B3GALT1: variants seen among roughly 807,000 people sequenced by gnomAD.
B3GALT1 encodes UDP-Gal:betaGlcNAc beta 1,3-galactosyltransferase, polypeptide 1.
A neutral mutation model predicts 23.2 loss-of-function variants in B3GALT1; 10 were observed. The observed-to-expected ratio is 0.43, with a 90% CI of 0.27 to 0.73. B3GALT1 has a LOEUF of 0.73. Ranked by LOEUF, B3GALT1 falls within the 30% of genes least tolerant of loss-of-function variation. B3GALT1 has a pLI of 0.21. For missense variants in B3GALT1, 299 were observed against 405.4 expected, an observed-to-expected ratio of 0.74 and a Z score of 2.25; for synonymous variants, 156 against 141.5, an observed-to-expected ratio of 1.10 and a Z score of -0.73.
intron 2 of B3GALT1, among the ~76,000 whole-genome samples, chr2:167,603,439 T>A (rs1407156753): frequency 6.6e-6 from 1 of 152,230 alleles, no homozygotes; most frequent in Non-Finnish European, 1.5e-5. Context: ...GGGAAAACAT[T>A]AGTATCCTGG....
At chr2:167,783,883 T>C (rs1455161373) in intron 3 of B3GALT1, among the ~76,000 whole-genome samples, 3 of 152,198 alleles carry the variant, frequency 2.0e-5, no homozygotes, top group Non-Finnish European at 2.9e-5. Context: ...TTTTCCAGGC[T>C]AGTAACCTCT....
At chr2:167,763,401 T>C (rs2105300421) in intron 3 of B3GALT1, among the ~76,000 whole-genome samples, 1 of 152,216 alleles carries the variant, frequency 6.6e-6, no homozygotes, top group South Asian at 2.1e-4. Flanking sequence ...CTTTGGAAGG[T>C]AGATAAGAGC....
intron 3 of B3GALT1, among the ~76,000 whole-genome samples, chr2:167,721,387 G>A (rs1362792650): frequency 6.6e-6 from 1 of 152,074 alleles, no homozygotes; most frequent in South Asian, 2.1e-4. Flanking sequence ...TATTGCCTTT[G>A]ATTATTCCCT....
At chr2:167,642,894 G>C (rs1055531209) in intron 2 of B3GALT1, among the ~76,000 whole-genome samples, 2 of 151,988 alleles carry the variant, frequency 1.3e-5, no homozygotes, top group Non-Finnish European at 2.9e-5. Context: ...ATTTATAAGT[G>C]AATGAATCCT....
At chr2:167,542,697 G>A (rs886905212) in intron 2 of B3GALT1, among the ~76,000 whole-genome samples, 1 of 151,986 alleles carries the variant, frequency 6.6e-6, no homozygotes, top group Non-Finnish European at 1.5e-5. Flanking sequence ...TCCACAAAGT[G>A]GAATTCTGCT....
chr2:167,813,930 C>T (rs1688940111), intron 3 of B3GALT1, among the ~76,000 whole-genome samples: 1 of 152,082 alleles, frequency 6.6e-6, no homozygotes, highest in Admixed American at 6.5e-5. Flanking sequence ...AACTGAAATT[C>T]TTTGGTTGAA....
At chr2:167,567,712 A>G (rs1001557955) in intron 2 of B3GALT1, among the ~76,000 whole-genome samples, 2 of 151,734 alleles carry the variant, frequency 1.3e-5, no homozygotes, top group South Asian at 2.1e-4. Flanking sequence ...AATTGTTACA[A>G]CTGATGAATC....
chr2:167,375,058 G>A (rs937487954), intron 1 of B3GALT1, among the ~76,000 whole-genome samples: 2 of 152,082 alleles, frequency 1.3e-5, no homozygotes, highest in African/African-American at 4.8e-5. Flanking sequence ...CATATGGCTT[G>A]CCAGCTATCC....
intron 2 of B3GALT1, among the ~76,000 whole-genome samples, chr2:167,519,117 A>G (rs892461319): frequency 6.6e-6 from 1 of 152,026 alleles, no homozygotes; most frequent in Admixed American, 6.6e-5. Flanking sequence ...TGTCTACTGG[A>G]CAGTAGCATC....
At chr2:167,839,576 T>A (rs1445302466) in intron 4 of B3GALT1, among the ~76,000 whole-genome samples, 9 of 152,272 alleles carry the variant, frequency 5.9e-5, no homozygotes, top group Non-Finnish European at 1.3e-4. Flanking sequence ...ATAGGAAGAA[T>A]CAATATCATG....
chr2:167,570,103 A>G (rs1226770110), intron 2 of B3GALT1, among the ~76,000 whole-genome samples: 1 of 151,756 alleles, frequency 6.6e-6, no homozygotes, highest in Non-Finnish European at 1.5e-5. Flanking sequence ...TTCTATTTTT[A>G]TGAGAGATAC....
chr2:167,807,440 T>C (rs1277142196), intron 3 of B3GALT1, among the ~76,000 whole-genome samples: 1 of 152,188 alleles, frequency 6.6e-6, no homozygotes, highest in Non-Finnish European at 1.5e-5. Context: ...CTGCTTTCTC[T>C]TGTGGGCATT....
rs113927300 is a variant in B3GALT1, at chr2:167,325,781, G to T, written c.-511+32447G>T. ...TGCCTAGGCTGGAGTGCAGTGGTGC[G>T]ATCTCAGCTCACTGCAACCTCTGCC... On this transcript the variant is annotated intron_variant, in intron 1 of 4. Transcript: ENST00000392690. Among the ~76,000 whole-genome samples the T allele has an allele frequency of 3.8e-3, 553 of 146,688 alleles. 3 individuals carry two copies. Among genetic ancestry groups the T allele is most frequent in the African/African-American group, 0.013 (520 of 39,160 alleles).
intron 1 of B3GALT1, among the ~76,000 whole-genome samples, chr2:167,315,971 A>G (rs962437489): frequency 1.3e-5 from 2 of 152,194 alleles, no homozygotes; most frequent in African/African-American, 4.8e-5. Context: ...ACATATTTAC[A>G]TAATTTTTCA....
Position 167,871,693 on chromosome 2 carries a change from G to A in B3GALT1, c.*1673G>A, listed in dbSNP as rs575104639. 3.3e-5 allele frequency: 5 copies of A among 152,248 alleles called. No homozygotes were observed. Among genetic ancestry groups the A allele is most frequent in the Admixed American group, 2.6e-4 (4 of 15,286 alleles). 9.4% of individuals were successfully genotyped at this position (152,248 alleles called of 1,614,324 possible). ...TTGCAAAATGCATCACGACAACTTA[G>A]ATCTCAGGAACCACTGAATCTGAAT... On this transcript the variant is annotated 3_prime_UTR_variant, in exon 5 of 5. Transcript: ENST00000392690.
intron 1 of B3GALT1, among the ~76,000 whole-genome samples, chr2:167,350,509 A>T (rs1697293232): frequency 6.6e-6 from 1 of 152,214 alleles, no homozygotes; most frequent in East Asian, 1.9e-4. Context: ...CTCAGCGTGG[A>T]TGTGTTAGAA....
chr2:167,748,665 G>A (rs1044744155), intron 3 of B3GALT1, among the ~76,000 whole-genome samples: 1 of 152,164 alleles, frequency 6.6e-6, no homozygotes, highest in African/African-American at 2.4e-5. Flanking sequence ...ATTAGAAGAA[G>A]CCAGAGGCAG....
intron 1 of B3GALT1, among the ~76,000 whole-genome samples, chr2:167,464,392 A>G (rs768387016): frequency 5.6e-4 from 85 of 152,150 alleles, no homozygotes; most frequent in Non-Finnish European, 1.0e-3. Flanking sequence ...TTCCTGTAAG[A>G]AGTTAAAATT....
intron 1 of B3GALT1, among the ~76,000 whole-genome samples, chr2:167,473,285 A>G (rs546889025): frequency 6.6e-6 from 1 of 152,266 alleles, no homozygotes; most frequent in East Asian, 1.9e-4. Flanking sequence ...TTACTCTCTT[A>G]CAAGGGTTAC....
Sources: gnomAD v4.1 joint callset for allele counts (sites outside exome capture counted in the v4.1 genomes callset) on GRCh38, gnomAD v4.1.1 for gene constraint, MANE v1.5 for transcripts, NCBI Gene and HGNC (gene_info 2026-07-23, HGNC 2026-07-21) for gene names.